Variants in OR6C1 observed in about 807,000 individuals in gnomAD.
The protein encoded by OR6C1 is olfactory receptor 6C1.
For missense variants in OR6C1, 386 were observed against 366.1 expected (o/e 1.05, Z -0.44); for synonymous variants, 157 against 133.3 (o/e 1.18, Z -1.22).
At chr12:55,314,997 A>G (rs372520638) in intron 1 of OR6C1, among the ~76,000 whole-genome samples, 22 of 151,790 alleles carry the variant, frequency 1.4e-4, no homozygotes, top group African/African-American at 5.3e-4. Context: ...AAAGAAAAAA[A>G]GTCCCTAGTT....
intron 1 of OR6C1, among the ~76,000 whole-genome samples, chr12:55,318,711 A>G (rs1341895582): frequency 6.7e-6 from 1 of 149,804 alleles, no homozygotes; most frequent in Admixed American, 6.7e-5. Flanking sequence ...GTAAGCTAAT[A>G]TATATTAAGT....
Position 55,321,467 on chromosome 12 carries a change from C to T in OR6C1, c.868C>T (p.Leu290=), listed in dbSNP as rs764123958. The T allele has an allele frequency of 8.1e-5, 131 of 1,613,352 alleles. No homozygotes were observed. The highest frequency in any genetic ancestry group is 1.1e-4 in the Non-Finnish European group (129 of 1,179,770). ...APMMNPFIYS[L]RNQQVKQAFI... ...CATGATGAACCCCTTTATTTACAGC[C>T]TAAGAAATCAGCAAGTCAAGCAAGC... The change falls in exon 2 of 2, where the codon CTA becomes TTA. Residue 290 remains leucine, a synonymous_variant. Coordinates refer to ENST00000642104, the MANE Select transcript of OR6C1 (RefSeq NM_001005182.2).
chr12:55,314,685 A>G (rs962374591), intron 1 of OR6C1, 86 bp downstream of exon 1: 5 of 151,648 alleles, frequency 3.3e-5, no homozygotes, highest in Admixed American at 6.6e-5. Context: ...TAATCAAAGT[A>G]AATAGGTATT....
At chr12:55,318,261 T>TGTG (rs1436330571) in intron 1 of OR6C1, among the ~76,000 whole-genome samples, 4 of 136,936 alleles carry the variant, frequency 2.9e-5, no homozygotes, top group African/African-American at 9.2e-5. Context: ...TGTGTGTGTG[T>TGTG]GTGGTGGTGG....
intron 1 of OR6C1, among the ~76,000 whole-genome samples, chr12:55,318,261 T>TG (rs1423882333): frequency 1.2e-4 from 16 of 136,936 alleles, no homozygotes; most frequent in Admixed American, 2.9e-4. Context: ...TGTGTGTGTG[T>TG]GTGGTGGTGG....
chr12:55,320,396 G>A (rs1221452481), intron 1 of OR6C1, among the ~76,000 whole-genome samples, 171 bp from the exon 2 acceptor site: 1 of 152,104 alleles, frequency 6.6e-6, no homozygotes, highest in African/African-American at 2.4e-5. Flanking sequence ...TATGTGAAGA[G>A]TTTTCACCTG....
At chr12:55,319,766 G>C (rs562827371) in intron 1 of OR6C1, among the ~76,000 whole-genome samples, 1 of 152,284 alleles carries the variant, frequency 6.6e-6, no homozygotes, top group Admixed American at 6.5e-5. Flanking sequence ...TCTTGACCCT[G>C]TGTTGGTTGG....
chr12:55,317,450 G>C (rs2120441350), intron 1 of OR6C1, among the ~76,000 whole-genome samples: 1 of 152,030 alleles, frequency 6.6e-6, no homozygotes, highest in African/African-American at 2.4e-5. Context: ...CGGTGAACTT[G>C]ATCCAAATAT....
intron 1 of OR6C1, among the ~76,000 whole-genome samples, chr12:55,315,938 A>T (rs1248607631): frequency 6.6e-6 from 1 of 151,730 alleles, no homozygotes; most frequent in Non-Finnish European, 1.5e-5. Context: ...ATAGTTTTTG[A>T]AGATACGCTC....
In OR6C1 at chr12:55,321,506, G is replaced by T; in HGVS notation, c.907G>T (p.Ala303Ser). 4.3e-6 allele frequency: 7 copies of T among 1,612,860 alleles called. No individual in the cohort carries two copies. Among genetic ancestry groups the T allele is most frequent in the Non-Finnish European group, 5.9e-6 (7 of 1,179,454 alleles). Residue 303 changes from alanine to serine, a missense_variant, in exon 2 of 2, where the codon GCA (alanine) becomes TCA (serine). Transcript: ENST00000642104. ...QQVKQAFINM[A>S]RKTVFFTST Reference sequence around the variant, plus strand: ...AGTCAAGCAAGCTTTCATTAACATGGCAAGGAAGACTGTATTTTTCACAAG... The same window carrying T: ...AGTCAAGCAAGCTTTCATTAACATGTCAAGGAAGACTGTATTTTTCACAAG...
intron 1 of OR6C1, among the ~76,000 whole-genome samples, chr12:55,316,491 C>T (rs1868413090): frequency 6.6e-6 from 1 of 151,736 alleles, no homozygotes; most frequent in Non-Finnish European, 1.5e-5. Context: ...ATGAAAACAA[C>T]CTAAGCCATA....
At chr12:55,318,299 A>C (rs934254499) in intron 1 of OR6C1, among the ~76,000 whole-genome samples, 1 of 150,818 alleles carries the variant, frequency 6.6e-6, no homozygotes, top group African/African-American at 2.4e-5. Context: ...AGGCAGCTAT[A>C]CCATGGTGGG....
At chr12:55,317,986 TACATACACATATATAC>T (rs1868440572) in intron 1 of OR6C1, among the ~76,000 whole-genome samples, 1 of 148,978 alleles carries the variant, frequency 6.7e-6, no homozygotes, top group Non-Finnish European at 1.5e-5. Flanking sequence ...CACATATATA[TACATACACATATATAC>T]ACACACATAA....
Position 55,321,709 on chromosome 12 carries a change from G to T in OR6C1, c.*171G>T, listed in dbSNP as rs937630281. On this transcript the variant is annotated 3_prime_UTR_variant, in exon 2 of 2. Coordinates refer to ENST00000642104, the MANE Select transcript of OR6C1 (RefSeq NM_001005182.2). ...TCATTTGACTTAAAATAATTTTCTTGTGTCTTCCTGACACCCCCTCCTTTG... is the reference window on the plus strand; with the variant it reads ...TCATTTGACTTAAAATAATTTTCTTTTGTCTTCCTGACACCCCCTCCTTTG... The T allele has an allele frequency of 4.6e-6, 2 of 432,982 alleles. No individual in the cohort carries two copies. Among genetic ancestry groups the T allele is most frequent in the South Asian group, 7.3e-5 (1 of 13,724 alleles). 26.8% of individuals were successfully genotyped at this position (432,982 alleles called of 1,614,324 possible).
At chr12:55,320,495 A>T in intron 1 of OR6C1, 72 bp from the exon 2 acceptor site, 1 of 690,292 alleles carries the variant, frequency 1.4e-6, no homozygotes, top group Non-Finnish European at 2.5e-6. Flanking sequence ...TGTCAACCAA[A>T]CTCCAGCTCC....
In OR6C1 at chr12:55,321,505, G is replaced by T; in HGVS notation, c.906G>T (p.Met302Ile). Reference sequence around the variant, plus strand: ...AAGTCAAGCAAGCTTTCATTAACATGGCAAGGAAGACTGTATTTTTCACAA... The same window carrying T: ...AAGTCAAGCAAGCTTTCATTAACATTGCAAGGAAGACTGTATTTTTCACAA... ...NQQVKQAFIN[M>I]ARKTVFFTST is the part of the protein sequence containing the mutation. Residue 302 changes from methionine to isoleucine, a missense_variant, in exon 2 of 2, where the codon ATG becomes ATT. By Grantham distance (10) the Met-to-Ile change is conservative. Coordinates refer to ENST00000642104, the MANE Select transcript of OR6C1 (RefSeq NM_001005182.2). The T allele has an allele frequency of 6.2e-7, 1 of 1,612,900 alleles. No homozygotes were observed. Among genetic ancestry groups the T allele is most frequent in the South Asian group, 1.1e-5 (1 of 90,902 alleles).
At position 55,321,741 on chromosome 12, in the gene OR6C1, T is replaced by A. The variant is rs1868567976; in HGVS notation, c.*203T>A. ...CCTGACACCCCCTCCTTTGAACAATTTTTTGTAAAATTACAAGCTCTTCAA... is the reference window on the plus strand; with the variant it reads ...CCTGACACCCCCTCCTTTGAACAATATTTTGTAAAATTACAAGCTCTTCAA... On this transcript the variant is annotated 3_prime_UTR_variant, in exon 2 of 2. Transcript: ENST00000642104. The A allele has an allele frequency of 2.4e-6, 1 of 408,914 alleles. No individual in the cohort carries two copies. Among genetic ancestry groups the A allele is most frequent in the African/African-American group, 2.1e-5 (1 of 48,572 alleles). The allele number at this position is 408,914 out of a possible 1,614,324, so 25.3% of individuals were successfully genotyped here.
chr12:55,318,205 G>A (rs1868445402), intron 1 of OR6C1, among the ~76,000 whole-genome samples: 2 of 148,698 alleles, frequency 1.3e-5, no homozygotes, highest in Admixed American at 6.9e-5. Context: ...ATCAAATCCT[G>A]GTTGAAGATA....
At position 55,321,471 on chromosome 12, in the gene OR6C1, G is replaced by A. The variant is rs77355728; in HGVS notation, c.872G>A (p.Arg291Lys). Residue 291 changes from arginine to lysine, a missense_variant, in exon 2 of 2, where the codon AGA (arginine) becomes AAA (lysine). By Grantham distance (26) the Arg-to-Lys change is conservative. Coordinates refer to ENST00000642104, the MANE Select transcript of OR6C1 (RefSeq NM_001005182.2). ...PMMNPFIYSL[R>K]NQQVKQAFIN... ...ATGAACCCCTTTATTTACAGCCTAA[G>A]AAATCAGCAAGTCAAGCAAGCTTTC... is the stretch of plus-strand genomic sequence containing the variant. 1.0e-3 allele frequency: 1,662 copies of A among 1,613,338 alleles called. 17 individuals carry two copies. The African/African-American group carries it at 0.02, about 19-fold the overall frequency.
Sources: allele counts gnomAD v4.1 joint callset (sites outside exome capture counted in the v4.1 genomes callset), GRCh38; gene constraint gnomAD v4.1.1; transcripts MANE v1.5; gene names NCBI Gene and HGNC (gene_info 2026-07-23, HGNC 2026-07-21).